The following KIAA1549 variants were observed in gnomAD, a reference collection of about 807,000 sequenced individuals.
KIAA1549 encodes KIAA1549, also known as UPF0606 protein KIAA1549.
Under a neutral mutation model 156.4 loss-of-function variants are expected in KIAA1549, and 70 were observed. The ratio of observed to expected loss-of-function variants is 0.45; its 90% CI spans 0.37 to 0.55. The LOEUF is 0.55. KIAA1549 is among the 20% of genes least tolerant of loss of function. KIAA1549 has a pLI of 0.00. For missense variants in KIAA1549, 2,428 were observed against 2,540.9 expected (o/e 0.96, Z 0.96); for synonymous variants, 1,103 against 1,066.4 (o/e 1.03, Z -0.67).
chr7:138,871,602 T>A lies in KIAA1549; in HGVS notation c.4346-240A>T, dbSNP rs185044271. ...TACCCTAAGAAGAGACGTGAGGAAA[T>A]CATTATGATACTGTGTGAAAAACTG... On this transcript the variant is annotated intron_variant, in intron 12 of 19. Transcript: ENST00000422774. Among the ~76,000 whole-genome samples, 4 of 152,302 alleles carry A rather than the reference T, an allele frequency of 2.6e-5. No homozygotes were observed. In the East Asian group the frequency reaches 7.7e-4, roughly 29 times the overall value.
intron 2 of KIAA1549, 71 bp from the exon 3 acceptor site, chr7:138,912,531 A>T (rs1217701750): frequency 2.3e-6 from 3 of 1,285,962 alleles, no homozygotes; most frequent in Non-Finnish European, 3.4e-6. Context: ...AGACTTCTGG[A>T]CCCCAGCACT....
At chr7:138,971,273 G>T (rs1323763803) in intron 1 of KIAA1549, among the ~76,000 whole-genome samples, 1 of 151,926 alleles carries the variant, frequency 6.6e-6, no homozygotes, top group African/African-American at 2.4e-5. Context: ...ATCCCCCCAC[G>T]CTGCTGTCCT....
intron 18 of KIAA1549, among the ~76,000 whole-genome samples, chr7:138,844,086 T>A (rs1809999100): frequency 6.6e-6 from 1 of 152,172 alleles, no homozygotes; most frequent in African/African-American, 2.4e-5. Flanking sequence ...GGAGGAAGCG[T>A]GCCGTGAATT....
At chr7:138,887,308 TC>T (rs1248452030) in intron 10 of KIAA1549, among the ~76,000 whole-genome samples, 9 of 152,326 alleles carry the variant, frequency 5.9e-5, no homozygotes, top group Non-Finnish European at 1.2e-4. Context: ...AATAAATTCA[TC>T]ATTAGATGTT....
intron 1 of KIAA1549, among the ~76,000 whole-genome samples, chr7:138,943,665 T>G (rs61555354): frequency 6.6e-6 from 1 of 152,008 alleles, no homozygotes; most frequent in African/African-American, 2.4e-5. Context: ...CTGGCTAACA[T>G]GGTGAAACCC....
intron 10 of KIAA1549, among the ~76,000 whole-genome samples, chr7:138,890,394 T>C (rs1408252299): frequency 2.0e-5 from 3 of 152,250 alleles, no homozygotes; most frequent in Non-Finnish European, 2.9e-5. Flanking sequence ...GCGAGTGCCA[T>C]TGAAAGCATT....
At position 138,918,432 on chromosome 7, in the gene KIAA1549, G is replaced by C; in HGVS notation, c.1194C>G (p.Ala398=). ...SKTSELHSNS[A]LPGPVDNTHI... ...GAGTGTTGTCCACAGGACCGGGGAG[G>C]GCTGAATTGCTATGCAATTCGGATG... Residue 398 remains alanine, a synonymous_variant, in exon 2 of 20, where the codon GCC becomes GCG. Transcript: ENST00000422774. This position sits in a 1 kb window ranked among gnomAD's most constrained non-coding sequence, Gnocchi z 4.2. The C allele has an allele frequency of 6.2e-7, 1 of 1,613,964 alleles. No homozygotes were observed. The highest frequency in any genetic ancestry group is 1.1e-5 in the South Asian group (1 of 91,076).
At chr7:138,920,887 G>C (rs1041599643) in intron 1 of KIAA1549, among the ~76,000 whole-genome samples, 2 of 152,186 alleles carry the variant, frequency 1.3e-5, no homozygotes, top group African/African-American at 2.4e-5. Context: ...TAGAGATCTT[G>C]AAACTGTCTA....
intron 1 of KIAA1549, among the ~76,000 whole-genome samples, chr7:138,964,967 CT>C (rs570675887): frequency 1.1e-3 from 149 of 141,840 alleles, no homozygotes; most frequent in South Asian, 7.4e-3. Flanking sequence ...GTTTTTTTTT[CT>C]TTTTTTTTTT....
intron 10 of KIAA1549, among the ~76,000 whole-genome samples, chr7:138,885,111 C>A (rs1265576380): frequency 1.3e-5 from 2 of 151,810 alleles, no homozygotes; most frequent in Non-Finnish European, 2.9e-5. Context: ...AGGAGAATAG[C>A]TTGAACCAGG....
chr7:138,980,960 A>C (rs1426520394), intron 1 of KIAA1549, 123 bp downstream of exon 1: 1 of 920,518 alleles, frequency 1.1e-6, no homozygotes, highest in African/African-American at 1.8e-5. Flanking sequence ...CATCTTCCAG[A>C]AAGGACGGCG....
At chr7:138,895,905 C>T (rs35635926) in intron 9 of KIAA1549, among the ~76,000 whole-genome samples, 18,273 of 151,936 alleles carry the variant, frequency 0.12, 1,270 homozygotes, top group Middle Eastern at 0.18. Context: ...TACCAGTTGT[C>T]CACTTTTACA....
intron 1 of KIAA1549, among the ~76,000 whole-genome samples, chr7:138,951,274 C>A (rs535957479): frequency 1.3e-5 from 2 of 152,262 alleles, no homozygotes; most frequent in African/African-American, 4.8e-5. Context: ...CAGGGCATCA[C>A]AGGATTCAGG....
rs997771011 is a variant in KIAA1549 at position 138,917,525 on chromosome 7, C to T, written c.2101G>A (p.Glu701Lys). ...LEFSQLQPSS[E>K]LPLNTIMLLP... The stretch of plus-strand genomic sequence containing the variant: ...AACATGATGGTGTTTAAAGGCAGCT[C>T]GGAACTTGGCTGGAGCTGCGAAAAC... Residue 701 changes from glutamate to lysine, a missense_variant, in exon 2 of 20, where the codon GAG (glutamate) becomes AAG (lysine). Glu to Lys is a moderately conservative substitution (Grantham distance 56). Transcript: ENST00000422774. The T allele has an allele frequency of 1.9e-6, 3 of 1,613,552 alleles. No individual in the cohort carries two copies. The highest frequency in any genetic ancestry group is 1.3e-5 in the African/African-American group (1 of 74,886).
At chr7:138,896,310 G>C (rs1006576383) in intron 9 of KIAA1549, among the ~76,000 whole-genome samples, 5 of 152,126 alleles carry the variant, frequency 3.3e-5, no homozygotes, top group African/African-American at 1.2e-4. Flanking sequence ...TCTTGGTGCT[G>C]GTTTAACTTT....
chr7:138,971,163 C>T (rs1814210668), intron 1 of KIAA1549, among the ~76,000 whole-genome samples: 1 of 152,192 alleles, frequency 6.6e-6, no homozygotes, highest in Admixed American at 6.5e-5. Flanking sequence ...CCAAGACTGG[C>T]CTTCCAACTT....
At chr7:138,846,739 C>T (rs926115241) in intron 17 of KIAA1549, among the ~76,000 whole-genome samples, 1 of 152,054 alleles carries the variant, frequency 6.6e-6, no homozygotes, top group Non-Finnish European at 1.5e-5. Context: ...ACCTTGAGAA[C>T]CACTCTTCTG....
At chr7:138,926,852 T>G (rs1052321798) in intron 1 of KIAA1549, among the ~76,000 whole-genome samples, 3 of 152,084 alleles carry the variant, frequency 2.0e-5, no homozygotes, top group Admixed American at 2.0e-4. Flanking sequence ...CAAGGAACAC[T>G]TGAGTACCGA....
At chr7:138,870,379 C>T (rs780467742) in intron 13 of KIAA1549, among the ~76,000 whole-genome samples, 1 of 152,148 alleles carries the variant, frequency 6.6e-6, no homozygotes, top group Non-Finnish European at 1.5e-5. Flanking sequence ...CCTTGGAAAT[C>T]GGCCAATGAC....
Sources: gnomAD v4.1 joint callset for allele counts (sites outside exome capture counted in the v4.1 genomes callset) on GRCh38, gnomAD v4.1.1 for gene constraint, Gnocchi (gnomAD v3.1) non-coding constraint, MANE v1.5 for transcripts, NCBI Gene and HGNC (gene_info 2026-07-23, HGNC 2026-07-21) for gene names.